NIBAN2: variants seen among roughly 807,000 people sequenced by gnomAD.
The protein encoded by NIBAN2 is protein Niban 2.
In NIBAN2, 36 loss-of-function variants were observed where a neutral mutation model predicts 81.8. That is an observed-to-expected ratio of 0.44 (90% confidence interval 0.34 to 0.58). The LOEUF is 0.58. Among genes scored for constraint, NIBAN2 ranks in the 20% least tolerant of loss-of-function variants. The pLI, the probability that NIBAN2 is intolerant of heterozygous loss-of-function variation, is 0.02. For synonymous variants in NIBAN2, 445 were observed against 441.6 expected (o/e 1.01, Z -0.10); for missense variants, 897 against 1,014.1 (o/e 0.88, Z 1.57).
chr9:127,522,853 C>T (rs1263459909), intron 5 of NIBAN2, among the ~76,000 whole-genome samples: 3 of 151,864 alleles, frequency 2.0e-5, no homozygotes, highest in African/African-American at 7.3e-5. Flanking sequence ...CCTCCCCCAA[C>T]ACACACACAC....
chr9:127,568,905 G>A lies in NIBAN2; in HGVS notation c.-31C>T, dbSNP rs781555859. ...GGAGGTGTCGCGGCCCGATCCGGCC[G>A]ACGCCGCCGCTGTTGCCCGCGCTGC... is the stretch of plus-strand genomic sequence containing the variant. On this transcript the variant is annotated 5_prime_UTR_variant, in exon 1 of 14. Transcript: ENST00000373312. The A allele has an allele frequency of 2.1e-4, 263 of 1,261,230 alleles. 8 individuals carry two copies. The East Asian group carries it at 5.8e-3, about 28-fold the overall frequency. The allele number at this position is 1,261,230 out of a possible 1,614,324, so 78.1% of individuals were successfully genotyped here.
chr9:127,552,845 C>A (rs1313387161), intron 1 of NIBAN2, among the ~76,000 whole-genome samples: 1 of 151,932 alleles, frequency 6.6e-6, no homozygotes, highest in Non-Finnish European at 1.5e-5. Flanking sequence ...TCCACCACCA[C>A]CACGCCTGGC....
At chr9:127,578,798 A>G in intron 1 of NIBAN2, 1 of 895,096 alleles carries the variant, frequency 1.1e-6, no homozygotes, top group South Asian at 1.7e-5. Flanking sequence ...TTGAGGCTGC[A>G]TTGAGCTATG....
At position 127,539,815 on chromosome 9, in the gene NIBAN2, CAG is replaced by C. The variant is rs1421256760; in HGVS notation, c.56-8039_56-8038del. On this transcript the variant is annotated intron_variant, in intron 1 of 13. Coordinates refer to ENST00000373312, the MANE Select transcript of NIBAN2 (RefSeq NM_022833.4). Reference sequence around the variant, plus strand: ...CTAGGCACCCCCCATCACCTGCAAACAGGGCACCATTTCTACATGGACACACA... The same window carrying C: ...CTAGGCACCCCCCATCACCTGCAAACGGCACCATTTCTACATGGACACACA... Among the ~76,000 whole-genome samples, 5 of 152,338 alleles carry C rather than the reference CAG, an allele frequency of 3.3e-5. No individual in the cohort carries two copies. The East Asian group carries it at 9.7e-4, about 29-fold the overall frequency.
intron 1 of NIBAN2, among the ~76,000 whole-genome samples, chr9:127,547,706 G>A (rs1054629921): frequency 1.3e-5 from 2 of 151,450 alleles, no homozygotes; most frequent in East Asian, 1.9e-4. Context: ...GTGTGGTGGC[G>A]CATGCCTGTA....
At position 127,545,728 on chromosome 9, in the gene NIBAN2, G is replaced by C. The variant is rs1244015291; in HGVS notation, c.56-13950C>G. Among the ~76,000 whole-genome samples, 1 of 152,210 alleles carries C rather than the reference G, an allele frequency of 6.6e-6. No individual in the cohort carries two copies. The highest frequency in any genetic ancestry group is 1.5e-5 in the Non-Finnish European group (1 of 68,034). On this transcript the variant is annotated intron_variant, in intron 1 of 13. Transcript: ENST00000373312. This position sits in a 1 kb window ranked among gnomAD's most constrained non-coding sequence, Gnocchi z 4.7. Reference sequence around the variant, plus strand: ...AGGGCGGGGCTGAGGCGGGAGCCCAGAGAAATGCACCCAAAAAAACGGGTG... The same window carrying C: ...AGGGCGGGGCTGAGGCGGGAGCCCACAGAAATGCACCCAAAAAAACGGGTG...
chr9:127,568,323 TGG>T (rs1415034976), intron 1 of NIBAN2, among the ~76,000 whole-genome samples: 1 of 152,158 alleles, frequency 6.6e-6, no homozygotes, highest in Non-Finnish European at 1.5e-5. Flanking sequence ...CGGGCCTTCA[TGG>T]GCGCGTCCTT....
Position 127,568,844 on chromosome 9 carries a change from C to T in NIBAN2, c.31G>A (p.Asp11Asn), listed in dbSNP as rs1837904842. 1 of 1,367,840 alleles carries T rather than the reference C, an allele frequency of 7.3e-7. No individual in the cohort carries two copies. Among genetic ancestry groups the T allele is most frequent in the Non-Finnish European group, 9.5e-7 (1 of 1,055,636 alleles). The allele number at this position is 1,367,840 out of a possible 1,614,324, so 84.7% of individuals were successfully genotyped here. MGDVLSTHLD[D>N]ARRQHIAEKT... ...CCTGCGATGTGCTGGCGCCGGGCGTCGTCCAGGTGCGTGGACAGCACGTCC... is the reference window on the plus strand; with the variant it reads ...CCTGCGATGTGCTGGCGCCGGGCGTTGTCCAGGTGCGTGGACAGCACGTCC... The change falls in exon 1 of 14, where the codon GAC becomes AAC. Residue 11 changes from aspartate (D) to asparagine (N), a missense_variant. Asp to Asn is a conservative substitution (Grantham distance 23). Coordinates refer to ENST00000373312, the MANE Select transcript of NIBAN2 (RefSeq NM_022833.4).
intron 2 of NIBAN2, among the ~76,000 whole-genome samples, 185 bp from the exon 3 acceptor site, chr9:127,527,507 G>A (rs951101504): frequency 7.9e-5 from 12 of 152,202 alleles, no homozygotes; most frequent in Non-Finnish European, 1.5e-4. Context: ...TTCTGCAGAG[G>A]AGGAGCGAGA....
chr9:127,523,813 A>C lies in NIBAN2; in HGVS notation c.455T>G (p.Leu152Arg). 1.2e-6 allele frequency: 2 copies of C among 1,613,104 alleles called. No homozygotes were observed. The highest frequency in any genetic ancestry group is 1.7e-6 in the Non-Finnish European group (2 of 1,179,156). ...TTAKSGSAPI[L>R]KCPTQFPLIL... ...GAGCGGGAACTGTGTGGGGCACTTG[A>C]GGATGGGGGCACTGCCCGACTTTGC... is the stretch of plus-strand genomic sequence containing the variant. The change falls in exon 5 of 14, where the codon CTC becomes CGC. Residue 152 changes from leucine (L) to arginine (R), a missense_variant. Leu to Arg is a moderately radical substitution (Grantham distance 102). Around this residue, in one of 3 missense-constraint regions of NIBAN2, gnomAD observed 209 missense variants for 208.4 expected, o/e 1.00. Coordinates refer to ENST00000373312, the MANE Select transcript of NIBAN2 (RefSeq NM_022833.4).
chr9:127,506,884 G>A lies in NIBAN2; in HGVS notation c.2202C>T (p.Thr734=). ...SSPSSHPALH[T]TTEDSAGVQT... ...GCACCCCTGCACTGTCCTCGGTGGT[G>A]GTGTGGAGGGCGGGGTGGCTGCTGG... Residue 734 remains threonine, a synonymous_variant, in exon 14 of 14, where the codon ACC becomes ACT. Coordinates refer to ENST00000373312, the MANE Select transcript of NIBAN2 (RefSeq NM_022833.4). 6.2e-7 allele frequency: 1 copy of A among 1,612,692 alleles called. No homozygotes were observed. The highest frequency in any genetic ancestry group is 8.5e-7 in the Non-Finnish European group (1 of 1,179,540).
At chr9:127,520,826 G>C (rs1256659144) in intron 5 of NIBAN2, among the ~76,000 whole-genome samples, 3 of 152,164 alleles carry the variant, frequency 2.0e-5, no homozygotes, top group African/African-American at 7.2e-5. Flanking sequence ...GGAGGTTGCA[G>C]TGAGCCGAGA....
chr9:127,575,772 C>A (rs1211780528), intron 1 of NIBAN2, among the ~76,000 whole-genome samples: 1 of 151,854 alleles, frequency 6.6e-6, no homozygotes. Context: ...TCAGGTGATC[C>A]GCCCGCCTTG....
intron 1 of NIBAN2, among the ~76,000 whole-genome samples, chr9:127,555,848 T>G (rs962282344): frequency 6.6e-6 from 1 of 152,176 alleles, no homozygotes; most frequent in African/African-American, 2.4e-5. Context: ...AGTTGTTCTG[T>G]GTGTCTCCTG....
chr9:127,576,441 A>G (rs976577424), intron 1 of NIBAN2, among the ~76,000 whole-genome samples: 3 of 152,082 alleles, frequency 2.0e-5, no homozygotes, highest in African/African-American at 7.2e-5. Flanking sequence ...GTGCCAGCAG[A>G]CAGGCAGGGA....
chr9:127,515,953 C>T (rs866053142), intron 8 of NIBAN2, among the ~76,000 whole-genome samples: 21 of 152,198 alleles, frequency 1.4e-4, no homozygotes, highest in Admixed American at 7.2e-4. Flanking sequence ...GCCTGGGCAA[C>T]ATGGCAAAAC....
chr9:127,544,750 C>T (rs369833665), intron 1 of NIBAN2, among the ~76,000 whole-genome samples: 80 of 152,280 alleles, frequency 5.3e-4, no homozygotes, highest in African/African-American at 1.7e-3. Context: ...GTGATCCACC[C>T]GCCTCGGCCT....
At position 127,555,560 on chromosome 9, in the gene NIBAN2, C is replaced by A. The variant is rs1486187174; in HGVS notation, c.55+13260G>T. 2.0e-5 allele frequency among the ~76,000 whole-genome samples: 3 copies of A among 152,150 alleles called. No homozygotes were observed. The East Asian group carries it at 5.8e-4, about 29-fold the overall frequency. ...GGAGCGGCAGCTCACGTCTGTAATC[C>A]CAGCACTTTGGGAGGCCAAGGCAGG... On this transcript the variant is annotated intron_variant, in intron 1 of 13. Coordinates refer to ENST00000373312, the MANE Select transcript of NIBAN2 (RefSeq NM_022833.4).
In NIBAN2 at chr9:127,508,692, G is replaced by A. The variant is rs920679934; in HGVS notation, c.1318-154C>T. ...TCTATGCCCACTCACAGCTCTGCAC[G>A]CTGGAGCAAGTCCCTGCCTCAAGGC... On this transcript the variant is annotated intron_variant, in intron 10 of 13. Coordinates refer to ENST00000373312, the MANE Select transcript of NIBAN2 (RefSeq NM_022833.4). The surrounding 1 kb of genome is among the most constrained non-coding windows in gnomAD (Gnocchi z 6.4). 3.9e-5 allele frequency among the ~76,000 whole-genome samples: 6 copies of A among 152,064 alleles called. No homozygotes were observed. The highest frequency in any genetic ancestry group is 2.6e-4 in the Admixed American group (4 of 15,266).
Sources: allele counts gnomAD v4.1 joint callset (sites outside exome capture counted in the v4.1 genomes callset), GRCh38; gene constraint gnomAD v4.1.1; regional missense constraint gnomAD v4.1.1; non-coding constraint Gnocchi (gnomAD v3.1); transcripts MANE v1.5; gene names NCBI Gene and HGNC (gene_info 2026-07-23, HGNC 2026-07-21).